The following GRAMD4 variants were observed in gnomAD, a reference collection of about 807,000 sequenced individuals.
GRAMD4 encodes the protein GRAM domain containing 4, also known as GRAM domain-containing protein 4.
Under a neutral mutation model 83.9 loss-of-function variants are expected in GRAMD4, and 25 were observed. That is an observed-to-expected ratio of 0.30 (90% CI 0.22 to 0.42). The LOEUF (loss-of-function observed/expected upper bound fraction) is 0.42. GRAMD4 is among the 10% of genes least tolerant of loss of function. The pLI, the probability that GRAMD4 is intolerant of heterozygous loss-of-function variation, is 1.00. For missense variants in GRAMD4, 593 were observed against 788.7 expected (o/e 0.75, Z 2.97); for synonymous variants, 336 against 320.9 (o/e 1.05, Z -0.50).
At position 46,674,756 on chromosome 22, in the gene GRAMD4, T is replaced by A; in HGVS notation, c.1478+6T>A. 6.3e-7 allele frequency: 1 copy of A among 1,594,392 alleles called. No homozygotes were observed. Among genetic ancestry groups the A allele is most frequent in the Non-Finnish European group, 8.6e-7 (1 of 1,163,210 alleles). The stretch of plus-strand genomic sequence containing the variant: ...GTGCTCTACGTCACGGAGAAGTGAG[T>A]GCAGCCGTGGGGCCCTGTGTGGCTG... On this transcript the variant is annotated splice_donor_region_variant and intron_variant, in intron 16 of 18. Transcript: ENST00000406902.
chr22:46,648,369 AG>A (rs2082102416), intron 3 of GRAMD4, among the ~76,000 whole-genome samples: 1 of 120,684 alleles, frequency 8.3e-6, no homozygotes, highest in Non-Finnish European at 1.8e-5. Context: ...TGAATGGGTG[AG>A]TGGATGGATA....
chr22:46,599,367 A>G (rs1428354186), intron 1 of GRAMD4, among the ~76,000 whole-genome samples: 3 of 151,398 alleles, frequency 2.0e-5, no homozygotes, highest in Admixed American at 6.6e-5. Context: ...TCCCCGGGCT[A>G]GAGTGCAGTG....
chr22:46,586,927 C>T (rs758533047), intron 1 of GRAMD4, among the ~76,000 whole-genome samples: 12 of 151,626 alleles, frequency 7.9e-5, no homozygotes, highest in Admixed American at 2.6e-4. Flanking sequence ...GGGAGTTTGG[C>T]GTTTAAAAGT....
At chr22:46,596,700 G>A (rs1009472174) in intron 1 of GRAMD4, among the ~76,000 whole-genome samples, 3 of 152,158 alleles carry the variant, frequency 2.0e-5, no homozygotes, top group African/African-American at 7.2e-5. Flanking sequence ...ACAGGCACAT[G>A]CCACCACACC....
At position 46,637,863 on chromosome 22, in the gene GRAMD4, G is replaced by A. The variant is rs1300582449; in HGVS notation, c.186G>A (p.Met62Ile). 6.2e-7 allele frequency: 1 copy of A among 1,613,972 alleles called. No individual in the cohort carries two copies. Among genetic ancestry groups the A allele is most frequent in the Non-Finnish European group, 8.5e-7 (1 of 1,179,942 alleles). The part of the protein sequence containing the change: ...RDPAGPGTLI[M>I]ATGVQDFNRT... ...AGGCTGGTCCAGGGACCCTCATCAT[G>A]GCCACAGGAGTCCAGGACTTTAACC... The change falls in exon 3 of 19, where the codon ATG becomes ATA. Residue 62 changes from methionine (M) to isoleucine (I), a missense_variant. Around this residue, in one of 4 missense-constraint regions of GRAMD4, gnomAD observed 312 missense variants for 350.7 expected, o/e 0.89. Coordinates refer to ENST00000406902, the MANE Select transcript of GRAMD4 (RefSeq NM_015124.5).
rs1272942852 is a variant in GRAMD4 at position 46,621,031 on chromosome 22, G to A, written c.-50+466G>A. ...GGTGGAGGGGCTGGTCCTGGGGAGA[G>A]CGGCTGGGCTGCAGGCTGAGGAGCT... On this transcript the variant is annotated intron_variant, in intron 1 of 18. Transcript: ENST00000406902. The surrounding 1 kb of genome is among the most constrained non-coding windows in gnomAD (Gnocchi z 5.8). Among the ~76,000 whole-genome samples, 2 of 152,042 alleles carry A rather than the reference G, an allele frequency of 1.3e-5. No homozygotes were observed. The highest frequency in any genetic ancestry group is 4.8e-5 in the African/African-American group (2 of 41,404).
chr22:46,616,407 T>C (rs1279344904), upstream of GRAMD4, among the ~76,000 whole-genome samples: 16 of 94,724 alleles, frequency 1.7e-4, no homozygotes, highest in East Asian at 4.5e-4. Context: ...TAGGTTCCCC[T>C]GTGCGTGTAG....
At chr22:46,633,371 C>T (rs1011070991) in intron 2 of GRAMD4, among the ~76,000 whole-genome samples, 2 of 152,214 alleles carry the variant, frequency 1.3e-5, no homozygotes, top group Admixed American at 1.3e-4. Flanking sequence ...TCCTGCCCTC[C>T]CTGGGGAGCC....
At chr22:46,632,070 C>T (rs114659253) in intron 2 of GRAMD4, among the ~76,000 whole-genome samples, 40 of 152,368 alleles carry the variant, frequency 2.6e-4, no homozygotes, top group African/African-American at 7.5e-4. Context: ...AGGTGTGCTC[C>T]GCTTCATTCC....
At chr22:46,658,584 G>T (rs951375634) in intron 4 of GRAMD4, among the ~76,000 whole-genome samples, 1 of 152,086 alleles carries the variant, frequency 6.6e-6, no homozygotes, top group African/African-American at 2.4e-5. Context: ...CAGGCCTGGG[G>T]CCAGGCCAAC....
intron 3 of GRAMD4, among the ~76,000 whole-genome samples, chr22:46,653,241 C>G (rs2748350): frequency 6.6e-6 from 1 of 152,082 alleles, no homozygotes; most frequent in Non-Finnish European, 1.5e-5. Context: ...CCGCCCGCTG[C>G]CCCGGGAGCC....
chr22:46,590,413 A>G (rs1448273220), intron 1 of GRAMD4, among the ~76,000 whole-genome samples: 1 of 152,048 alleles, frequency 6.6e-6, no homozygotes, highest in Non-Finnish European at 1.5e-5. Context: ...GGTGCCGGGG[A>G]TGGGTGAGCG....
At chr22:46,671,647 C>T (rs891893996) in intron 13 of GRAMD4, among the ~76,000 whole-genome samples, 1 of 144,754 alleles carries the variant, frequency 6.9e-6, no homozygotes, top group Non-Finnish European at 1.5e-5. Flanking sequence ...CAGAGCAAGA[C>T]TCCGTCTCAA....
At position 46,679,652 on chromosome 22, in the gene GRAMD4, G is replaced by A. The variant is rs548266174; in HGVS notation, c.*2401G>A. Reference sequence around the variant, plus strand: ...CAGTGTGACTTTTGTTCAACAAAAGGATTGTACTGTATTAAGAACCGATGA... The same window carrying A: ...CAGTGTGACTTTTGTTCAACAAAAGAATTGTACTGTATTAAGAACCGATGA... On this transcript the variant is annotated 3_prime_UTR_variant, in exon 19 of 19. Coordinates refer to ENST00000406902, the MANE Select transcript of GRAMD4 (RefSeq NM_015124.5). 5.1e-6 allele frequency: 5 copies of A among 982,278 alleles called. No homozygotes were observed. Among genetic ancestry groups the A allele is most frequent in the South Asian group, 4.7e-5 (1 of 21,222 alleles). The allele number at this position is 982,278 out of a possible 1,614,324, so 60.8% of individuals were successfully genotyped here. A position where few individuals can be genotyped will look rare whatever the true frequency, so the allele number is the denominator to read the frequency against.
At chr22:46,603,269 A>G (rs1342128311) in intron 1 of GRAMD4, among the ~76,000 whole-genome samples, 4 of 121,024 alleles carry the variant, frequency 3.3e-5, no homozygotes, top group Non-Finnish European at 6.4e-5. Context: ...TTGCAGTGGC[A>G]TGACCTCGGC....
At position 46,659,986 on chromosome 22, in the gene GRAMD4, C is replaced by G. The variant is rs1453778370; in HGVS notation, c.405-1395C>G. ...CCCAGGCATTTGGCCACAGTGCCAT[C>G]CCCGCCACGGGACGCTGCTTCTCCC... On this transcript the variant is annotated intron_variant, in intron 4 of 18. Transcript: ENST00000406902. The surrounding 1 kb of genome is among the most constrained non-coding windows in gnomAD (Gnocchi z 4.1). 6.6e-6 allele frequency among the ~76,000 whole-genome samples: 1 copy of G among 152,246 alleles called. No individual in the cohort carries two copies. The highest frequency in any genetic ancestry group is 2.4e-5 in the African/African-American group (1 of 41,474).
intron 4 of GRAMD4, among the ~76,000 whole-genome samples, chr22:46,660,290 C>G (rs999689548): frequency 2.6e-5 from 4 of 152,122 alleles, no homozygotes; most frequent in African/African-American, 9.7e-5. Flanking sequence ...GCATTAAGGG[C>G]TCTCCCCTGC....
Position 46,644,843 on chromosome 22 carries a change from C to T in GRAMD4, c.283+6883C>T, listed in dbSNP as rs146304673. ...AACTTCCCAGGCTCAAGCAATCCTC[C>T]CACCTCAGCTTCCTGAGTAGCAGGG... On this transcript the variant is annotated intron_variant, in intron 3 of 18. Coordinates refer to ENST00000406902, the MANE Select transcript of GRAMD4 (RefSeq NM_015124.5). 2.8e-3 allele frequency among the ~76,000 whole-genome samples: 419 copies of T among 150,414 alleles called. 3 individuals are homozygous for T. The highest frequency in any genetic ancestry group is 9.8e-3 in the African/African-American group (402 of 40,836).
intron 1 of GRAMD4, among the ~76,000 whole-genome samples, chr22:46,593,139 T>C (rs2081226693): frequency 1.3e-5 from 2 of 152,178 alleles, no homozygotes; most frequent in South Asian, 2.1e-4. Flanking sequence ...TTTACTGTTA[T>C]TTGATTTGCA....
Sources: allele counts gnomAD v4.1 joint callset (sites outside exome capture counted in the v4.1 genomes callset), GRCh38; gene constraint gnomAD v4.1.1; regional missense constraint gnomAD v4.1.1; non-coding constraint Gnocchi (gnomAD v3.1); transcripts MANE v1.5; gene names NCBI Gene and HGNC (gene_info 2026-07-23, HGNC 2026-07-21).